The following L3MBTL4 variants were observed in gnomAD, a reference collection of about 807,000 sequenced individuals.
The protein encoded by L3MBTL4 is lethal(3)malignant brain tumor-like protein 4.
L3MBTL4 carries 70 observed loss-of-function variants against 84.5 expected under a neutral mutation model. That is an observed-to-expected ratio of 0.83 (90% confidence interval 0.68 to 1.01). The LOEUF (loss-of-function observed/expected upper bound fraction) is 1.01, where lower values mean the gene tolerates loss of function less well. Among genes scored for constraint, L3MBTL4 ranks in the 50% least tolerant of loss-of-function variants. L3MBTL4 has a pLI of 0.00. For missense variants in L3MBTL4, 715 were observed against 754.8 expected (o/e 0.95, Z 0.62); for synonymous variants, 274 against 259.8 (o/e 1.05, Z -0.52).
intron 1 of L3MBTL4, among the ~76,000 whole-genome samples, chr18:6,407,213 C>T (rs910105588): frequency 2.6e-5 from 4 of 152,152 alleles, no homozygotes; most frequent in African/African-American, 9.7e-5. Context: ...TGGGCATCAC[C>T]GATTCACACA....
intron 16 of L3MBTL4, among the ~76,000 whole-genome samples, chr18:5,996,633 A>G (rs1023652401): frequency 8.5e-5 from 13 of 152,108 alleles, no homozygotes; most frequent in African/African-American, 3.1e-4. Flanking sequence ...TTCCGTGGGA[A>G]AAGACTGGGC....
intron 16 of L3MBTL4, among the ~76,000 whole-genome samples, chr18:6,023,400 G>A (rs781163777): frequency 1.3e-5 from 2 of 152,146 alleles, no homozygotes; most frequent in African/African-American, 4.8e-5. Flanking sequence ...AAAATCTGCA[G>A]AAAGTGAGCC....
At chr18:6,154,060 T>A (rs1461558564) in intron 13 of L3MBTL4, among the ~76,000 whole-genome samples, 1 of 152,190 alleles carries the variant, frequency 6.6e-6, no homozygotes, top group African/African-American at 2.4e-5. Flanking sequence ...TTCTTTTTCT[T>A]CTCTAATTAC....
chr18:6,256,367 T>C (rs551581438), intron 5 of L3MBTL4, among the ~76,000 whole-genome samples: 1 of 152,138 alleles, frequency 6.6e-6, no homozygotes, highest in Admixed American at 6.6e-5. Flanking sequence ...AAAGAGAGAA[T>C]AGGAATGTGT....
intron 16 of L3MBTL4, among the ~76,000 whole-genome samples, chr18:5,984,071 CTGAG>C (rs1311130172): frequency 6.6e-6 from 1 of 152,106 alleles, no homozygotes; most frequent in Admixed American, 6.5e-5. Context: ...ATCACTGTGC[CTGAG>C]TAAGTTTTGT....
intron 13 of L3MBTL4, among the ~76,000 whole-genome samples, chr18:6,160,287 C>T (rs1429190103): frequency 1.3e-5 from 2 of 152,216 alleles, no homozygotes; most frequent in Non-Finnish European, 2.9e-5. Context: ...TGTTGCAAGT[C>T]AGCAGTGTTT....
intron 12 of L3MBTL4, among the ~76,000 whole-genome samples, chr18:6,200,919 C>T (rs2045622992): frequency 2.6e-5 from 4 of 152,088 alleles, no homozygotes; most frequent in African/African-American, 7.2e-5. Context: ...AATAAATAAT[C>T]CTTAATAAAC....
intron 16 of L3MBTL4, among the ~76,000 whole-genome samples, chr18:6,034,616 A>G (rs1598500596): frequency 1.3e-5 from 2 of 152,180 alleles, no homozygotes; most frequent in Non-Finnish European, 2.9e-5. Flanking sequence ...ATACGTGTGC[A>G]TGTGTCTTTA....
intron 14 of L3MBTL4, among the ~76,000 whole-genome samples, chr18:6,127,626 A>C (rs2144452180): frequency 6.6e-6 from 1 of 152,358 alleles, no homozygotes; most frequent in East Asian, 1.9e-4. Flanking sequence ...TAAAAGACAA[A>C]GCACGATGCT....
chr18:6,110,788 C>T (rs766731685), intron 14 of L3MBTL4, among the ~76,000 whole-genome samples: 32 of 152,182 alleles, frequency 2.1e-4, no homozygotes, highest in South Asian at 4.1e-4. Context: ...CATCACTTGT[C>T]TGCCTACAGT....
intron 1 of L3MBTL4, among the ~76,000 whole-genome samples, chr18:6,399,520 T>C (rs550701488): frequency 6.6e-6 from 1 of 152,320 alleles, no homozygotes; most frequent in African/African-American, 2.4e-5. Flanking sequence ...ATTAACTGCA[T>C]AGTAATTGTC....
At chr18:6,190,949 G>C (rs1184548931) in intron 12 of L3MBTL4, among the ~76,000 whole-genome samples, 2 of 152,182 alleles carry the variant, frequency 1.3e-5, no homozygotes, top group Non-Finnish European at 2.9e-5. Context: ...AAGAAGTCTA[G>C]TTTGGCTGGA....
chr18:6,040,773 C>T (rs909657816), intron 16 of L3MBTL4, among the ~76,000 whole-genome samples: 8 of 152,146 alleles, frequency 5.3e-5, no homozygotes, highest in African/African-American at 1.9e-4. Flanking sequence ...TGGCAAGCCC[C>T]TAAACCATCC....
chr18:6,272,880 G>A (rs76705663), intron 4 of L3MBTL4, among the ~76,000 whole-genome samples: 109 of 96,204 alleles, frequency 1.1e-3, no homozygotes, highest in South Asian at 1.5e-3. Flanking sequence ...GAGTTGTGCA[G>A]ATTCAACTAG....
chr18:6,018,298 T>C (rs1325229400), intron 16 of L3MBTL4, among the ~76,000 whole-genome samples: 5 of 152,086 alleles, frequency 3.3e-5, no homozygotes, highest in African/African-American at 4.8e-5. Flanking sequence ...GTGAAAAATA[T>C]ACCAACACTT....
At chr18:6,091,318 G>A (rs1027349956) in intron 15 of L3MBTL4, among the ~76,000 whole-genome samples, 3 of 152,154 alleles carry the variant, frequency 2.0e-5, no homozygotes, top group East Asian at 1.9e-4. Flanking sequence ...CTGCTAATAC[G>A]ATTTATCCAA....
chr18:6,404,733 C>A (rs536088826), intron 1 of L3MBTL4, among the ~76,000 whole-genome samples: 1 of 148,118 alleles, frequency 6.8e-6, no homozygotes, highest in African/African-American at 2.5e-5. Context: ...GTCACCTAGG[C>A]TGGAGTGAAG....
chr18:6,098,289 G>A (rs1384255414), intron 14 of L3MBTL4, among the ~76,000 whole-genome samples: 1 of 152,168 alleles, frequency 6.6e-6, no homozygotes, highest in Non-Finnish European at 1.5e-5. Flanking sequence ...CAGCCTGTGT[G>A]CGGCTACACC....
intron 14 of L3MBTL4, among the ~76,000 whole-genome samples, chr18:6,132,312 A>G (rs1254222299): frequency 6.6e-6 from 1 of 152,184 alleles, no homozygotes; most frequent in African/African-American, 2.4e-5. Context: ...TCCATTCTAG[A>G]TAGATGCTAG....
Sources: allele counts gnomAD v4.1 joint callset (sites outside exome capture counted in the v4.1 genomes callset), GRCh38; gene constraint gnomAD v4.1.1; transcripts MANE v1.5; gene names NCBI Gene and HGNC (gene_info 2026-07-23, HGNC 2026-07-21).